The following DGKB variants were observed in gnomAD, a reference collection of about 807,000 sequenced individuals.
DGKB encodes diacylglycerol kinase beta.
Under a neutral mutation model 114.3 loss-of-function variants are expected in DGKB, and 67 were observed. The ratio of observed to expected loss-of-function variants is 0.59; its 90% CI spans 0.48 to 0.72. The LOEUF (loss-of-function observed/expected upper bound fraction) is 0.72, where lower values mean the gene tolerates loss of function less well. Among genes scored for constraint, DGKB ranks in the 30% least tolerant of loss-of-function variants. The pLI is 0.00. For synonymous variants in DGKB, 398 were observed against 323.1 expected (o/e 1.23, Z -2.49); for missense variants, 907 against 975.2 (o/e 0.93, Z 0.93).
intron 5 of DGKB, among the ~76,000 whole-genome samples, chr7:14,733,303 T>G (rs1473230387): frequency 6.6e-6 from 1 of 152,180 alleles, no homozygotes. Flanking sequence ...ACCATACATC[T>G]TAAAGGGCTA....
At chr7:14,876,236 C>T (rs1028679747) in intron 1 of DGKB, among the ~76,000 whole-genome samples, 1 of 152,104 alleles carries the variant, frequency 6.6e-6, no homozygotes, top group Non-Finnish European at 1.5e-5. Context: ...AGTTACTACC[C>T]CTTTTAAAAA....
chr7:14,819,772 C>T (rs750372450), intron 2 of DGKB, among the ~76,000 whole-genome samples: 1 of 151,804 alleles, frequency 6.6e-6, no homozygotes, highest in African/African-American at 2.4e-5. Context: ...AATTCCAAGC[C>T]CATGTTCTTA....
At chr7:14,267,111 T>C (rs535043438) in intron 23 of DGKB, among the ~76,000 whole-genome samples, 1 of 152,180 alleles carries the variant, frequency 6.6e-6, no homozygotes, top group South Asian at 2.1e-4. Context: ...CCACAAGTTT[T>C]TTGATGTTTT....
At chr7:14,177,266 G>A (rs895303760) in intron 24 of DGKB, among the ~76,000 whole-genome samples, 3 of 151,992 alleles carry the variant, frequency 2.0e-5, no homozygotes, top group Non-Finnish European at 4.4e-5. Flanking sequence ...AGTTCTTCTA[G>A]CACCAACACT....
intron 23 of DGKB, among the ~76,000 whole-genome samples, chr7:14,290,250 C>A (rs1801552441): frequency 6.6e-6 from 1 of 152,106 alleles, no homozygotes; most frequent in Non-Finnish European, 1.5e-5. Flanking sequence ...GTAAAAATAA[C>A]ATTTCTTATC....
intron 23 of DGKB, among the ~76,000 whole-genome samples, chr7:14,286,128 C>G (rs575367051): frequency 6.6e-6 from 1 of 152,218 alleles, no homozygotes; most frequent in South Asian, 2.1e-4. Context: ...CAAGCATTCT[C>G]CTCAACCAGC....
At chr7:14,422,142 T>C (rs955481402) in intron 21 of DGKB, among the ~76,000 whole-genome samples, 4 of 152,182 alleles carry the variant, frequency 2.6e-5, no homozygotes, top group African/African-American at 9.6e-5. Flanking sequence ...TCAGTTCCAT[T>C]AACCTAAAAG....
At chr7:14,523,588 T>A (rs74819978) in intron 20 of DGKB, among the ~76,000 whole-genome samples, 11,958 of 152,258 alleles carry the variant, frequency 0.079, 889 homozygotes, top group East Asian at 0.43. Context: ...TGCTTTTATA[T>A]TGTAACATAA....
intron 21 of DGKB, among the ~76,000 whole-genome samples, chr7:14,356,626 C>T (rs529355379): frequency 3.3e-5 from 5 of 152,176 alleles, no homozygotes; most frequent in South Asian, 4.1e-4. Context: ...TCCCAAAGTG[C>T]TGGGATTACA....
rs1172510665 is a variant in DGKB, at chr7:14,348,740, A to T, written c.1836-3349T>A. Among the ~76,000 whole-genome samples the T allele has an allele frequency of 2.0e-5, 3 of 151,928 alleles. No homozygotes were observed. The South Asian group carries it at 6.2e-4, about 31-fold the overall frequency. ...AATATGAGCCAAGTATTGTAGGAAC[A>T]TACTTCAATGATTCAGCTAATTTTA... On this transcript the variant is annotated intron_variant, in intron 21 of 25. Coordinates refer to ENST00000402815, the MANE Select transcript of DGKB (RefSeq NM_001350709.2).
At chr7:14,395,028 T>A (rs998340) in intron 21 of DGKB, among the ~76,000 whole-genome samples, 19,353 of 151,896 alleles carry the variant, frequency 0.13, 4,020 homozygotes, top group African/African-American at 0.44. Context: ...ACAAGGAAAC[T>A]TTTGCTATTA....
chr7:14,168,494 C>T (rs1784927032), intron 25 of DGKB, among the ~76,000 whole-genome samples: 1 of 152,134 alleles, frequency 6.6e-6, no homozygotes, highest in Admixed American at 6.5e-5. Context: ...TCAAAGAAAC[C>T]CATGCCCAGA....
intron 23 of DGKB, among the ~76,000 whole-genome samples, chr7:14,324,858 A>G (rs1808450911): frequency 6.6e-6 from 1 of 152,114 alleles, no homozygotes; most frequent in Non-Finnish European, 1.5e-5. Context: ...CTGCCTAGAA[A>G]GAGTTGCTGC....
At chr7:14,839,350 C>A (rs569668954) in intron 2 of DGKB, among the ~76,000 whole-genome samples, 2 of 151,124 alleles carry the variant, frequency 1.3e-5, no homozygotes, top group East Asian at 1.9e-4. Context: ...TATAAGACTG[C>A]AAGTGATAAA....
chr7:14,440,444 C>T (rs989265417), intron 21 of DGKB, among the ~76,000 whole-genome samples: 4 of 152,090 alleles, frequency 2.6e-5, no homozygotes, highest in African/African-American at 4.8e-5. Flanking sequence ...CAGTGATATA[C>T]TGAGTTGATC....
At chr7:14,178,766 G>C (rs568651515) in intron 23 of DGKB, among the ~76,000 whole-genome samples, 2 of 152,014 alleles carry the variant, frequency 1.3e-5, no homozygotes, top group African/African-American at 2.4e-5. Context: ...ACAAAATACT[G>C]TTTGGTAGTA....
intron 20 of DGKB, among the ~76,000 whole-genome samples, chr7:14,544,654 A>T (rs913633244): frequency 6.6e-6 from 1 of 152,140 alleles, no homozygotes. Context: ...TCAAAGAAAA[A>T]ATTCTCAATT....
At chr7:14,722,916 A>G (rs573545144) in intron 5 of DGKB, among the ~76,000 whole-genome samples, 4 of 152,074 alleles carry the variant, frequency 2.6e-5, no homozygotes, top group Non-Finnish European at 5.9e-5. Flanking sequence ...TCTTTATATT[A>G]TATTTTCATT....
intron 20 of DGKB, among the ~76,000 whole-genome samples, chr7:14,558,075 TTA>T (rs1395764907): frequency 6.6e-6 from 1 of 150,870 alleles, no homozygotes; most frequent in Non-Finnish European, 1.5e-5. Context: ...CTCCACATTT[TTA>T]TCTGTCTCTT....
Sources: gnomAD v4.1 joint callset for allele counts (sites outside exome capture counted in the v4.1 genomes callset) on GRCh38, gnomAD v4.1.1 for gene constraint, MANE v1.5 for transcripts, NCBI Gene and HGNC (gene_info 2026-07-23, HGNC 2026-07-21) for gene names.